The following ZCCHC4 variants were observed in gnomAD, a reference collection of about 807,000 sequenced individuals.
The protein encoded by ZCCHC4 is rRNA N(6)-adenosine-methyltransferase ZCCHC4.
A neutral mutation model predicts 67.7 loss-of-function variants in ZCCHC4; 54 were observed. The observed-to-expected ratio is 0.80, with a 90% CI of 0.64 to 1.00. The LOEUF is 1.00. Ranked by LOEUF, ZCCHC4 falls within the 50% of genes least tolerant of loss-of-function variation. The probability of loss-of-function intolerance (pLI) is 0.00; values close to 1 mark genes in which losing one functional copy is unlikely to be tolerated. For synonymous variants in ZCCHC4, 198 were observed against 213.5 expected, an observed-to-expected ratio of 0.93 and a Z score of 0.63; for missense variants, 609 against 617.0, an observed-to-expected ratio of 0.99 and a Z score of 0.14.
At chr4:25,348,192 T>C (rs987523124) in intron 6 of ZCCHC4, among the ~76,000 whole-genome samples, 1 of 152,194 alleles carries the variant, frequency 6.6e-6, no homozygotes, top group Non-Finnish European at 1.5e-5. Flanking sequence ...TGATTAACCT[T>C]CTTGACAAGT....
chr4:25,346,985 C>G (rs1157741532), intron 6 of ZCCHC4, among the ~76,000 whole-genome samples: 1 of 152,120 alleles, frequency 6.6e-6, no homozygotes, highest in Non-Finnish European at 1.5e-5. Flanking sequence ...GTAGAATGGC[C>G]TGGATTTGTA....
At chr4:25,329,762 T>C (rs973368189) in intron 3 of ZCCHC4, among the ~76,000 whole-genome samples, 3 of 152,012 alleles carry the variant, frequency 2.0e-5, no homozygotes, top group Non-Finnish European at 4.4e-5. Context: ...CTCGATCTCT[T>C]GACCTCATGA....
At chr4:25,327,340 T>C (rs1465728649) in intron 3 of ZCCHC4, among the ~76,000 whole-genome samples, 2 of 152,156 alleles carry the variant, frequency 1.3e-5, no homozygotes, top group African/African-American at 2.4e-5. Flanking sequence ...CTTTATCAGA[T>C]TGTAGAAGTG....
chr4:25,333,127 G>T (rs1454763363), intron 3 of ZCCHC4, 56 bp from the exon 4 acceptor site: 2 of 1,542,386 alleles, frequency 1.3e-6, no homozygotes, highest in Admixed American at 1.9e-5. Context: ...AAAACACATT[G>T]TGTTTACAAC....
chr4:25,364,924 T>C, intron 11 of ZCCHC4, 98 bp from the exon 12 acceptor site: 13 of 1,516,708 alleles, frequency 8.6e-6, no homozygotes, highest in Non-Finnish European at 1.2e-5. Flanking sequence ...GCCACAATAC[T>C]TCAAGTAAAC....
At chr4:25,351,518 A>G (rs1381571555) in intron 7 of ZCCHC4, 71 bp from the exon 8 acceptor site, 1 of 968,804 alleles carries the variant, frequency 1.0e-6, no homozygotes, top group Non-Finnish European at 1.6e-6. Flanking sequence ...ATGCTAGCGG[A>G]AGTTTTTCTA....
chr4:25,345,156 G>A (rs932638636), intron 5 of ZCCHC4, among the ~76,000 whole-genome samples: 1 of 152,138 alleles, frequency 6.6e-6, no homozygotes, highest in Non-Finnish European at 1.5e-5. Flanking sequence ...ATGAACAGCT[G>A]TCAAGCAGAA....
intron 12 of ZCCHC4, among the ~76,000 whole-genome samples, chr4:25,366,702 A>G (rs1004149801): frequency 6.6e-6 from 1 of 152,224 alleles, no homozygotes; most frequent in African/African-American, 2.4e-5. Context: ...GGATTGCTGT[A>G]CCATTGTCAG....
intron 5 of ZCCHC4, among the ~76,000 whole-genome samples, chr4:25,337,049 A>G (rs1429163409): frequency 6.6e-6 from 1 of 152,190 alleles, no homozygotes; most frequent in Admixed American, 6.5e-5. Flanking sequence ...CCTTTCTCAT[A>G]TAGTCAGTTT....
intron 9 of ZCCHC4, 57 bp downstream of exon 9, chr4:25,362,037 A>G: frequency 6.4e-7 from 1 of 1,570,878 alleles, no homozygotes; most frequent in Non-Finnish European, 8.7e-7. Context: ...AGTTACATAT[A>G]TCCATCAGTC....
intron 7 of ZCCHC4, 83 bp from the exon 8 acceptor site, chr4:25,351,506 T>C: frequency 1.2e-6 from 1 of 864,540 alleles, no homozygotes. Flanking sequence ...TTGCAATTTC[T>C]TATGCTAGCG....
chr4:25,337,525 C>T (rs1719515660), intron 5 of ZCCHC4, among the ~76,000 whole-genome samples: 1 of 152,176 alleles, frequency 6.6e-6, no homozygotes, highest in Non-Finnish European at 1.5e-5. Context: ...TGGCTGGGGT[C>T]ACTTGCCTAT....
At chr4:25,336,078 G>A (rs981400292) in intron 5 of ZCCHC4, among the ~76,000 whole-genome samples, 2 of 152,122 alleles carry the variant, frequency 1.3e-5, no homozygotes, top group African/African-American at 4.8e-5. Context: ...GGTTTTTGTT[G>A]TTATCACCGT....
At chr4:25,315,294 A>G (rs368609073) in intron 2 of ZCCHC4, 24 bp from the exon 3 acceptor site, 4 of 1,588,734 alleles carry the variant, frequency 2.5e-6, no homozygotes, top group African/African-American at 2.7e-5. Flanking sequence ...CAGTTTATTC[A>G]ATGGGTTTTG....
intron 8 of ZCCHC4, chr4:25,352,215 A>G (rs893994964): frequency 1.6e-5 from 16 of 985,242 alleles, no homozygotes; most frequent in Non-Finnish European, 1.9e-5. Flanking sequence ...AAGTTACTGG[A>G]GTGAGTAACT....
chr4:25,360,246 C>A (rs1720676395), intron 8 of ZCCHC4, among the ~76,000 whole-genome samples: 1 of 152,232 alleles, frequency 6.6e-6, no homozygotes, highest in South Asian at 2.1e-4. Flanking sequence ...ACTCCCCTTG[C>A]CTAGAATTAA....
At chr4:25,350,234 T>G (rs1720231366) in intron 7 of ZCCHC4, among the ~76,000 whole-genome samples, 1 of 151,122 alleles carries the variant, frequency 6.6e-6, no homozygotes, top group Non-Finnish European at 1.5e-5. Flanking sequence ...CCGTGTACGG[T>G]CTTCAGGCAG....
intron 8 of ZCCHC4, among the ~76,000 whole-genome samples, chr4:25,355,202 G>A (rs1044042786): frequency 6.6e-6 from 1 of 152,202 alleles, no homozygotes; most frequent in Non-Finnish European, 1.5e-5. Flanking sequence ...TTTCAAGTCA[G>A]AAGTCTGAGT....
At chr4:25,331,155 C>T (rs1577735433) in intron 3 of ZCCHC4, among the ~76,000 whole-genome samples, 1 of 152,328 alleles carries the variant, frequency 6.6e-6, no homozygotes, top group East Asian at 1.9e-4. Context: ...CACCTCTGTT[C>T]CCTTCCCTCG....
Sources: allele counts gnomAD v4.1 joint callset (sites outside exome capture counted in the v4.1 genomes callset), GRCh38; gene constraint gnomAD v4.1.1; transcripts MANE v1.5; gene names NCBI Gene and HGNC (gene_info 2026-07-23, HGNC 2026-07-21).